SLC24A3: variants seen among roughly 807,000 people sequenced by gnomAD.
SLC24A3 encodes solute carrier family 24 member 3, also known as sodium/potassium/calcium exchanger 3.
In SLC24A3, 28 loss-of-function variants were observed where a neutral mutation model predicts 75.8. That is an observed-to-expected ratio of 0.37 (90% CI 0.27 to 0.51). SLC24A3 has a LOEUF of 0.51. SLC24A3 is among the 20% of genes least tolerant of loss of function. The pLI, the probability that SLC24A3 is intolerant of heterozygous loss-of-function variation, is 0.94. For missense variants in SLC24A3, 663 were observed against 847.8 expected (o/e 0.78, Z 2.71); for synonymous variants, 372 against 334.1 (o/e 1.11, Z -1.24).
At chr20:19,242,496 GT>G (rs1243876095) in intron 1 of SLC24A3, 2 of 152,164 alleles carry the variant, frequency 1.3e-5, no homozygotes, top group Admixed American at 6.5e-5. Context: ...TGCATCTGAT[GT>G]TTTCCACACG....
At chr20:19,370,644 G>A (rs1394357674) in intron 2 of SLC24A3, among the ~76,000 whole-genome samples, 1 of 152,222 alleles carries the variant, frequency 6.6e-6, no homozygotes, top group Non-Finnish European at 1.5e-5. Context: ...CCTGTGCCAG[G>A]AAGCTTCTAA....
intron 1 of SLC24A3, among the ~76,000 whole-genome samples, chr20:19,254,721 C>T (rs917069800): frequency 6.6e-6 from 1 of 152,182 alleles, no homozygotes; most frequent in Non-Finnish European, 1.5e-5. Context: ...GGACACACAG[C>T]ATGGGCTGGG....
At chr20:19,434,357 C>T (rs749859711) in intron 2 of SLC24A3, among the ~76,000 whole-genome samples, 18 of 152,090 alleles carry the variant, frequency 1.2e-4, no homozygotes, top group Non-Finnish European at 2.4e-4. Flanking sequence ...GAACAAGGTG[C>T]GAGAGAAAAG....
intron 12 of SLC24A3, among the ~76,000 whole-genome samples, chr20:19,690,583 G>A (rs1421540052): frequency 6.6e-6 from 1 of 152,182 alleles, no homozygotes; most frequent in East Asian, 1.9e-4. Flanking sequence ...CCATATGGAA[G>A]GCCGTTGAGG....
chr20:19,429,311 T>C (rs1236566374), intron 2 of SLC24A3, among the ~76,000 whole-genome samples: 1 of 152,262 alleles, frequency 6.6e-6, no homozygotes, highest in Admixed American at 6.5e-5. Context: ...TGGCATGTCA[T>C]TTTTGTATGC....
chr20:19,411,732 G>A (rs1473642687), intron 2 of SLC24A3, among the ~76,000 whole-genome samples: 2 of 152,216 alleles, frequency 1.3e-5, no homozygotes, highest in Non-Finnish European at 2.9e-5. Context: ...TGTAGGTTAT[G>A]CTTTTGAAGA....
chr20:19,476,753 T>G (rs929252915), intron 2 of SLC24A3, among the ~76,000 whole-genome samples: 7 of 152,114 alleles, frequency 4.6e-5, no homozygotes, highest in African/African-American at 1.7e-4. Context: ...AGGATGTCAG[T>G]GTCCATAATT....
At chr20:19,569,262 GC>G (rs2031010974) in intron 3 of SLC24A3, among the ~76,000 whole-genome samples, 1 of 152,132 alleles carries the variant, frequency 6.6e-6, no homozygotes, top group African/African-American at 2.4e-5. Context: ...GTGTCCTGAT[GC>G]TTTGCACGTA....
At chr20:19,325,243 T>C (rs568092648) in intron 2 of SLC24A3, among the ~76,000 whole-genome samples, 1 of 151,526 alleles carries the variant, frequency 6.6e-6, no homozygotes, top group Admixed American at 6.6e-5. Context: ...GGAAACATGG[T>C]GAGACCTTGT....
intron 3 of SLC24A3, among the ~76,000 whole-genome samples, chr20:19,524,159 G>A (rs1258636703): frequency 6.6e-6 from 1 of 152,084 alleles, no homozygotes; most frequent in Admixed American, 6.5e-5. Flanking sequence ...TTTATTAGAT[G>A]CTCTTCCTGC....
chr20:19,283,844 C>T (rs2122227351), intron 2 of SLC24A3, among the ~76,000 whole-genome samples: 1 of 152,298 alleles, frequency 6.6e-6, no homozygotes, highest in African/African-American at 2.4e-5. Flanking sequence ...TCGTGAATTT[C>T]CCACCCTCTG....
At chr20:19,714,081 A>G (rs1452435939) in intron 15 of SLC24A3, among the ~76,000 whole-genome samples, 1 of 152,188 alleles carries the variant, frequency 6.6e-6, no homozygotes, top group African/African-American at 2.4e-5. Flanking sequence ...AAATGAATGA[A>G]CTGAGTTCCA....
chr20:19,226,633 C>T (rs754591058), intron 1 of SLC24A3, among the ~76,000 whole-genome samples: 1 of 152,128 alleles, frequency 6.6e-6, no homozygotes, highest in Non-Finnish European at 1.5e-5. Flanking sequence ...TTTAGTGTGG[C>T]CGAGGACTGT....
chr20:19,366,072 T>A (rs191221646), intron 2 of SLC24A3, among the ~76,000 whole-genome samples: 3 of 152,322 alleles, frequency 2.0e-5, no homozygotes, highest in Non-Finnish European at 4.4e-5. Flanking sequence ...CCAACCCTCA[T>A]GATTAACTTG....
chr20:19,440,645 GT>G (rs11469517), intron 2 of SLC24A3, among the ~76,000 whole-genome samples: 3,127 of 131,350 alleles, frequency 0.024, 37 homozygotes, highest in African/African-American at 0.029. Context: ...AGGCCTCACT[GT>G]TTTTTTTTTT....
intron 2 of SLC24A3, among the ~76,000 whole-genome samples, chr20:19,403,891 A>C (rs1444682182): frequency 3.3e-5 from 5 of 152,220 alleles, no homozygotes; most frequent in Non-Finnish European, 7.4e-5. Context: ...TATGATTAGC[A>C]GGGGAATCCT....
At chr20:19,330,303 G>A (rs1288070080) in intron 2 of SLC24A3, among the ~76,000 whole-genome samples, 1 of 152,194 alleles carries the variant, frequency 6.6e-6, no homozygotes, top group Admixed American at 6.5e-5. Context: ...GTCAGGGACA[G>A]TGAAGAGCTG....
At chr20:19,664,877 TG>T (rs2032379288) in intron 7 of SLC24A3, among the ~76,000 whole-genome samples, 1 of 152,230 alleles carries the variant, frequency 6.6e-6, no homozygotes, top group African/African-American at 2.4e-5. Context: ...CAGCCATGTG[TG>T]TCATGAAAAG....
At chr20:19,417,115 T>G (rs1275530554) in intron 2 of SLC24A3, among the ~76,000 whole-genome samples, 2 of 152,128 alleles carry the variant, frequency 1.3e-5, no homozygotes, top group Non-Finnish European at 2.9e-5. Context: ...GTTAGGTGTT[T>G]GAGGAACTGC....
Sources: gnomAD v4.1 joint callset for allele counts (sites outside exome capture counted in the v4.1 genomes callset) on GRCh38, gnomAD v4.1.1 for gene constraint, MANE v1.5 for transcripts, NCBI Gene and HGNC (gene_info 2026-07-23, HGNC 2026-07-21) for gene names.